Variants in SMCO4 observed in about 807,000 individuals in gnomAD.
The protein encoded by SMCO4 is single-pass membrane protein with coiled-coil domains 4.
SMCO4 carries 4 observed loss-of-function variants against 3.6 expected under a neutral mutation model. The observed-to-expected ratio is 1.11, with a 90% confidence interval of 0.54 to 2.53. SMCO4 has a LOEUF of 2.53. SMCO4 is among the 30% of genes most tolerant of loss of function. The pLI is 0.02. For missense variants in SMCO4, 70 were observed against 80.8 expected (o/e 0.87, Z 0.51); for synonymous variants, 36 against 35.3 (o/e 1.02, Z -0.07).
rs116855481 is a variant in SMCO4, at chr11:93,533,640, C to T, written c.-154+9636G>A. Among the ~76,000 whole-genome samples the T allele has an allele frequency of 3.3e-3, 498 of 152,232 alleles. 14 individuals are homozygous for T. In the East Asian group the frequency reaches 0.068, roughly 21 times the overall value. The stretch of plus-strand genomic sequence containing the variant: ...TCTAAAAAAAGAGAAAAGGCCTCTG[C>T]GTGTGGGGCTCTGATGTGCACAAAG... On this transcript the variant is annotated intron_variant, in intron 1 of 2. Transcript: ENST00000298966.
upstream of SMCO4, among the ~76,000 whole-genome samples, chr11:93,545,933 G>A (rs925187935): frequency 6.6e-5 from 10 of 152,248 alleles, no homozygotes; most frequent in African/African-American, 2.4e-4. Context: ...GAAGAGGAAA[G>A]ACCCTGAGAA....
chr11:93,490,630 T>C (rs562007673), intron 2 of SMCO4, among the ~76,000 whole-genome samples: 1 of 152,322 alleles, frequency 6.6e-6, no homozygotes, highest in Admixed American at 6.5e-5. Context: ...GCAGACTTCA[T>C]ATATTTAATG....
chr11:93,498,085 A>G (rs1948795458), intron 2 of SMCO4, among the ~76,000 whole-genome samples: 3 of 152,236 alleles, frequency 2.0e-5, no homozygotes, highest in Admixed American at 1.3e-4. Flanking sequence ...CAGGATATAC[A>G]TATTAAAAGC....
chr11:93,496,497 T>G (rs1948774041), intron 2 of SMCO4, among the ~76,000 whole-genome samples: 1 of 152,054 alleles, frequency 6.6e-6, no homozygotes, highest in Non-Finnish European at 1.5e-5. Flanking sequence ...GAGGTGCCCA[T>G]GAGATACCAA....
chr11:93,483,540 C>G (rs1161370639), intron 2 of SMCO4, among the ~76,000 whole-genome samples: 1 of 152,126 alleles, frequency 6.6e-6, no homozygotes, highest in East Asian at 1.9e-4. Context: ...GGGAGCACTC[C>G]AGAGAGGCCA....
At chr11:93,535,521 A>G in intron 1 of SMCO4, 1 of 1,403,990 alleles carries the variant, frequency 7.1e-7, no homozygotes, top group Non-Finnish European at 1.0e-6. Flanking sequence ...AGACTTTTCC[A>G]GAAGTGCTGG....
chr11:93,501,619 G>A (rs1591311937), intron 1 of SMCO4, among the ~76,000 whole-genome samples: 2 of 152,064 alleles, frequency 1.3e-5, no homozygotes, highest in African/African-American at 2.4e-5. Context: ...TGGCACTTAG[G>A]GCCTACCAAA....
intron 1 of SMCO4, among the ~76,000 whole-genome samples, chr11:93,533,013 G>A (rs1411896215): frequency 6.6e-6 from 1 of 152,194 alleles, no homozygotes; most frequent in Non-Finnish European, 1.5e-5. Context: ...AGGAGGATAA[G>A]CTTAAAGGCA....
intron 1 of SMCO4, among the ~76,000 whole-genome samples, chr11:93,507,596 G>A (rs1948919849): frequency 1.3e-5 from 2 of 152,204 alleles, no homozygotes; most frequent in African/African-American, 4.8e-5. Context: ...ACAAAATGAT[G>A]TGTAAAAGAT....
the SMCO4 span, among the ~76,000 whole-genome samples, chr11:93,549,718 C>T: frequency 1.3e-5 from 2 of 152,076 alleles, no homozygotes; most frequent in Non-Finnish European, 2.9e-5. Context: ...CTCAGCCTCC[C>T]GAAGTGCTGT....
intron 1 of SMCO4, among the ~76,000 whole-genome samples, chr11:93,513,575 G>C (rs548390127): frequency 6.6e-6 from 1 of 152,150 alleles, no homozygotes; most frequent in Non-Finnish European, 1.5e-5. Flanking sequence ...GGAGACGGAG[G>C]TATCAAAGAT....
rs1287900720 is a variant in SMCO4, at chr11:93,514,411, T to TAC, written c.-153-15064_-153-15063insGT. ...ATATATATATATATATATATATATA[T>TAC]ATATATATATAAAATTTGGTCTCTT... On this transcript the variant is annotated intron_variant, in intron 1 of 2. Transcript: ENST00000298966. Among the ~76,000 whole-genome samples the TAC allele has an allele frequency of 9.9e-3, 206 of 20,878 alleles. 16 individuals are homozygous for TAC. The highest frequency in any genetic ancestry group is 0.024 in the South Asian group (11 of 466). The allele number at this position is 20,878 out of a possible 152,430, so 13.7% of individuals were successfully genotyped here.
chr11:93,483,381 C>T (rs1172271934), intron 2 of SMCO4, among the ~76,000 whole-genome samples: 2 of 152,170 alleles, frequency 1.3e-5, no homozygotes, highest in African/African-American at 4.8e-5. Flanking sequence ...TCTGCTAGGA[C>T]CTCTGAAATG....
rs568600201 is a variant in SMCO4 at position 93,521,987 on chromosome 11, C to A, written c.-154+21289G>T. Among the ~76,000 whole-genome samples, 51 of 152,298 alleles carry A rather than the reference C, an allele frequency of 3.3e-4. No homozygotes were observed. In the South Asian group the frequency reaches 0.01, roughly 30 times the overall value. On this transcript the variant is annotated intron_variant, in intron 1 of 2. Transcript: ENST00000298966. ...TCACACATTGTTATTTTTCACTGTT[C>A]TATTTCATTTAAAAATGTATCAACC...
chr11:93,506,605 AT>A (rs1338215308), intron 1 of SMCO4, among the ~76,000 whole-genome samples: 1 of 150,382 alleles, frequency 6.6e-6, no homozygotes, highest in Non-Finnish European at 1.5e-5. Context: ...CGTCTAGCTA[AT>A]TTTTTGTTTT....
chr11:93,505,104 A>G (rs1357332238), intron 1 of SMCO4, among the ~76,000 whole-genome samples: 2 of 152,240 alleles, frequency 1.3e-5, no homozygotes, highest in Admixed American at 1.3e-4. Context: ...ACACTCTCAG[A>G]TGATGCAGCT....
At chr11:93,493,747 G>A (rs369192186) in intron 2 of SMCO4, among the ~76,000 whole-genome samples, 1 of 152,102 alleles carries the variant, frequency 6.6e-6, no homozygotes, top group Non-Finnish European at 1.5e-5. Flanking sequence ...CATCATGCAC[G>A]GCTGTTCTGT....
chr11:93,512,038 G>A (rs530476825), intron 1 of SMCO4, among the ~76,000 whole-genome samples: 5 of 152,176 alleles, frequency 3.3e-5, no homozygotes, highest in African/African-American at 1.2e-4. Context: ...GAAGTGTTTG[G>A]GGTCTTTATT....
chr11:93,504,447 G>T (rs1286458102), intron 1 of SMCO4, among the ~76,000 whole-genome samples: 12 of 152,248 alleles, frequency 7.9e-5, no homozygotes, highest in Admixed American at 7.8e-4. Context: ...AGGAATGAGA[G>T]ATTTTTGTGC....
Sources: allele counts gnomAD v4.1 joint callset (sites outside exome capture counted in the v4.1 genomes callset), GRCh38; gene constraint gnomAD v4.1.1; transcripts MANE v1.5; gene names NCBI Gene and HGNC (gene_info 2026-07-23, HGNC 2026-07-21).